PCDH11X: variants seen among roughly 807,000 people sequenced by gnomAD.
The protein encoded by PCDH11X is protocadherin-11 X-linked.
In PCDH11X, 18 loss-of-function variants were observed where a neutral mutation model predicts 53.3. The observed-to-expected ratio is 0.34, with a 90% confidence interval of 0.23 to 0.50. The LOEUF is 0.50. Among genes scored for constraint, PCDH11X ranks in the 20% least tolerant of loss-of-function variants. The pLI, the probability that PCDH11X is intolerant of heterozygous loss-of-function variation, is 0.98. For synonymous variants in PCDH11X, 279 were observed against 393.3 expected (o/e 0.71, Z 3.44); for missense variants, 570 against 1,032.4 (o/e 0.55, Z 6.14).
intron 7 of PCDH11X, among the ~76,000 whole-genome samples, chrX:92,228,908 A>G (rs1399712361): frequency 8.9e-6 from 1 of 111,887 alleles, no homozygotes; most frequent in Non-Finnish European, 1.9e-5. Context: ...CACACCAAAA[A>G]CAATTAATCA....
At chrX:92,103,594 C>A (rs2064309872) in intron 6 of PCDH11X, among the ~76,000 whole-genome samples, 2 of 111,686 alleles carry the variant, frequency 1.8e-5, no homozygotes, top group Non-Finnish European at 1.9e-5. Context: ...GTGAGTTGAA[C>A]AGTCCGATTT....
intron 10 of PCDH11X, among the ~76,000 whole-genome samples, chrX:92,548,251 G>A (rs979659085): frequency 2.7e-5 from 3 of 109,972 alleles, no homozygotes; most frequent in Non-Finnish European, 5.7e-5. Context: ...CTCACTGCTC[G>A]CTTGACCTCC....
chrX:92,308,845 A>G (rs983364077), intron 8 of PCDH11X, among the ~76,000 whole-genome samples: 2 of 111,054 alleles, frequency 1.8e-5, no homozygotes, highest in African/African-American at 3.3e-5. Flanking sequence ...TAAGTTCTCC[A>G]AAGATAATAT....
chrX:92,031,098 C>T (rs2063042717), intron 6 of PCDH11X, among the ~76,000 whole-genome samples: 1 of 111,291 alleles, frequency 9.0e-6, no homozygotes, highest in Non-Finnish European at 1.9e-5. Context: ...TTTACATTCC[C>T]ACTAACAGGG....
rs191175115 is a variant in PCDH11X, at chrX:91,866,627, G to A, written c.541-10154G>A. On this transcript the variant is annotated intron_variant, in intron 5 of 10. Transcript: ENST00000682573. ...CAGTTGGGGGAGGAGAAGTGGCTTC[G>A]GTGATTCAACTTTTTTTTTTTCTTT... is the stretch of plus-strand genomic sequence containing the variant. 4.1e-3 allele frequency among the ~76,000 whole-genome samples: 456 copies of A among 110,574 alleles called. 4 individuals are homozygous for A. Among genetic ancestry groups the A allele is most frequent in the African/African-American group, 0.015 (443 of 30,426 alleles).
At chrX:92,382,344 G>A (rs1250620366) in intron 8 of PCDH11X, among the ~76,000 whole-genome samples, 7 of 111,059 alleles carry the variant, frequency 6.3e-5, no homozygotes, top group East Asian at 2.9e-4. Flanking sequence ...AACTCATGGC[G>A]TGTGCAAGGT....
chrX:92,449,496 T>C (rs1463846261), intron 9 of PCDH11X, among the ~76,000 whole-genome samples: 1 of 111,322 alleles, frequency 9.0e-6, no homozygotes, highest in East Asian at 2.8e-4. Flanking sequence ...AAAATTCTTT[T>C]AAAGTTAAAG....
chrX:92,142,780 A>AT (rs11403814), intron 6 of PCDH11X, among the ~76,000 whole-genome samples: 23,906 of 109,014 alleles, frequency 0.22, 2,960 homozygotes, highest in East Asian at 0.87. Context: ...GTGCCTTAAT[A>AT]TTTTAGTTTG....
chrX:92,505,451 T>C (rs1421433187), intron 10 of PCDH11X, among the ~76,000 whole-genome samples: 1 of 110,787 alleles, frequency 9.0e-6, no homozygotes, highest in Non-Finnish European at 1.9e-5. Context: ...TTCTATTGAA[T>C]AGGGAGTCTT....
intron 6 of PCDH11X, among the ~76,000 whole-genome samples, chrX:91,923,931 C>T (rs138348333): frequency 9.1e-6 from 1 of 109,980 alleles, no homozygotes; most frequent in African/African-American, 3.3e-5. Flanking sequence ...GAGTACTATG[C>T]TCACTAGCTG....
At chrX:92,515,180 G>C (rs1348879568) in intron 10 of PCDH11X, 2 of 109,271 alleles carry the variant, frequency 1.8e-5, no homozygotes, top group Non-Finnish European at 3.8e-5. Flanking sequence ...GTGTTTCAGG[G>C]AGATACATAT....
chrX:92,472,926 G>C (rs2073298074), intron 10 of PCDH11X, among the ~76,000 whole-genome samples: 1 of 110,018 alleles, frequency 9.1e-6, no homozygotes, highest in Non-Finnish European at 1.9e-5. Flanking sequence ...CTTAACTGTT[G>C]TTGATGTATA....
chrX:92,106,181 G>C (rs1465018937), intron 6 of PCDH11X, among the ~76,000 whole-genome samples: 1 of 107,512 alleles, frequency 9.3e-6, no homozygotes, highest in Non-Finnish European at 1.9e-5. Flanking sequence ...AATTTATCTA[G>C]CTCTAAAAAT....
At chrX:92,311,705 G>T (rs1261253468) in intron 8 of PCDH11X, among the ~76,000 whole-genome samples, 1 of 110,327 alleles carries the variant, frequency 9.1e-6, no homozygotes, top group Non-Finnish European at 1.9e-5. Context: ...CTCACTACTA[G>T]TGCTTACTTC....
At chrX:91,804,746 T>C (rs1338313366) in intron 1 of PCDH11X, among the ~76,000 whole-genome samples, 1 of 111,285 alleles carries the variant, frequency 9.0e-6, no homozygotes, top group African/African-American at 3.3e-5. Flanking sequence ...GTTCATATAA[T>C]AATAGGCATG....
chrX:92,005,450 T>C (rs1196539788), intron 6 of PCDH11X, among the ~76,000 whole-genome samples: 3 of 111,767 alleles, frequency 2.7e-5, no homozygotes, highest in Non-Finnish European at 3.8e-5. Flanking sequence ...TAATACTCTT[T>C]GTATAACAAG....
At chrX:92,368,833 A>G (rs1395136067) in intron 8 of PCDH11X, among the ~76,000 whole-genome samples, 1 of 109,764 alleles carries the variant, frequency 9.1e-6, no homozygotes, top group Non-Finnish European at 1.9e-5. Context: ...TGGAGGCTGT[A>G]GAACAGCAAA....
chrX:91,999,422 A>G (rs1444300929), intron 6 of PCDH11X, among the ~76,000 whole-genome samples: 1 of 111,323 alleles, frequency 9.0e-6, no homozygotes, highest in Admixed American at 9.7e-5. Flanking sequence ...ATTTGTTTAC[A>G]CTCTTAATTC....
intron 4 of PCDH11X, among the ~76,000 whole-genome samples, chrX:91,825,678 A>G (rs985943380): frequency 1.2e-4 from 13 of 108,495 alleles, no homozygotes; most frequent in East Asian, 2.9e-4. Context: ...AGCTGTTCCT[A>G]TTCGGCCATC....
Sources: allele counts gnomAD v4.1 joint callset (sites outside exome capture counted in the v4.1 genomes callset), GRCh38; gene constraint gnomAD v4.1.1; transcripts MANE v1.5; gene names NCBI Gene and HGNC (gene_info 2026-07-23, HGNC 2026-07-21).